RFTN2: variants seen among roughly 807,000 people sequenced by gnomAD.
The protein encoded by RFTN2 is raftlin family member 2.
Under a neutral mutation model 52.7 loss-of-function variants are expected in RFTN2, and 34 were observed. The observed-to-expected ratio is 0.64, with a 90% CI of 0.49 to 0.86. The LOEUF (loss-of-function observed/expected upper bound fraction) is 0.86, where lower values mean the gene tolerates loss of function less well. Ranked by LOEUF, RFTN2 falls within the 40% of genes least tolerant of loss-of-function variation. RFTN2 has a pLI of 0.00. For missense variants in RFTN2, 536 were observed against 600.1 expected, an observed-to-expected ratio of 0.89 and a Z score of 1.12; for synonymous variants, 203 against 217.7, an observed-to-expected ratio of 0.93 and a Z score of 0.59.
intron 3 of RFTN2, among the ~76,000 whole-genome samples, chr2:197,640,633 C>T (rs1466686753): frequency 3.3e-5 from 5 of 152,342 alleles, no homozygotes; most frequent in East Asian, 3.9e-4. Flanking sequence ...CGCCCACTGT[C>T]TGGCACTCCC....
chr2:197,652,077 C>G (rs536237810), intron 1 of RFTN2, among the ~76,000 whole-genome samples: 1 of 152,244 alleles, frequency 6.6e-6, no homozygotes, highest in East Asian at 1.9e-4. Context: ...TCTTGGAAAT[C>G]CTCTTGGTAT....
At chr2:197,665,306 A>G (rs1384151942) in intron 1 of RFTN2, among the ~76,000 whole-genome samples, 4 of 152,148 alleles carry the variant, frequency 2.6e-5, no homozygotes. Context: ...AAATAAATCC[A>G]ATGTTTCTTT....
At chr2:197,592,005 A>G (rs1242954514) in intron 8 of RFTN2, among the ~76,000 whole-genome samples, 1 of 152,190 alleles carries the variant, frequency 6.6e-6, no homozygotes, top group Admixed American at 6.5e-5. Context: ...AAGGGCTCCC[A>G]TGGTGCAGCG....
intron 3 of RFTN2, among the ~76,000 whole-genome samples, chr2:197,634,989 T>TC (rs1378106825): frequency 1.8e-5 from 2 of 111,050 alleles, no homozygotes; most frequent in African/African-American, 3.5e-5. Flanking sequence ...ATGCGGTGTT[T>TC]CGTTTTTTGT....
chr2:197,617,016 C>T (rs1342180672), intron 6 of RFTN2, among the ~76,000 whole-genome samples: 1 of 152,212 alleles, frequency 6.6e-6, no homozygotes, highest in Non-Finnish European at 1.5e-5. Flanking sequence ...GGGTGCACAA[C>T]ATCAGCAGCA....
chr2:197,577,856 T>A (rs949958001), intron 8 of RFTN2, among the ~76,000 whole-genome samples: 1 of 152,142 alleles, frequency 6.6e-6, no homozygotes, highest in African/African-American at 2.4e-5. Context: ...GTAGCTGGGA[T>A]TACAGGAGCA....
chr2:197,643,569 T>C (rs2088704308), intron 3 of RFTN2, among the ~76,000 whole-genome samples: 1 of 152,186 alleles, frequency 6.6e-6, no homozygotes, highest in Non-Finnish European at 1.5e-5. Context: ...CCATTGTCTC[T>C]CTCTGTCCAT....
chr2:197,602,262 G>A (rs1039417378), intron 7 of RFTN2, among the ~76,000 whole-genome samples: 3 of 151,864 alleles, frequency 2.0e-5, no homozygotes, highest in African/African-American at 4.8e-5. Flanking sequence ...GTAGAGACAG[G>A]GTTTCACTGT....
chr2:197,582,743 C>T (rs1025541051), intron 8 of RFTN2, among the ~76,000 whole-genome samples: 1 of 152,204 alleles, frequency 6.6e-6, no homozygotes, highest in Non-Finnish European at 1.5e-5. Context: ...ATCATTAATG[C>T]CTCTTTAATA....
chr2:197,654,496 AT>A (rs2088866749), intron 1 of RFTN2, among the ~76,000 whole-genome samples: 1 of 152,208 alleles, frequency 6.6e-6, no homozygotes, highest in Non-Finnish European at 1.5e-5. Context: ...CTTAAATAAG[AT>A]GGAAAAGGGC....
intron 7 of RFTN2, among the ~76,000 whole-genome samples, chr2:197,605,117 T>C (rs749611380): frequency 4.5e-4 from 68 of 152,292 alleles, no homozygotes; most frequent in Non-Finnish European, 6.6e-4. Flanking sequence ...TAAAATAGTA[T>C]ATTTAAGGGT....
intron 6 of RFTN2, among the ~76,000 whole-genome samples, chr2:197,617,563 C>T (rs953373100): frequency 8.6e-5 from 13 of 151,734 alleles, no homozygotes; most frequent in Admixed American, 1.3e-4. Flanking sequence ...GCCTGTAGTC[C>T]CAGCTACCTG....
chr2:197,616,319 T>C (rs1253503624), intron 6 of RFTN2, among the ~76,000 whole-genome samples: 1 of 23,618 alleles, frequency 4.2e-5, no homozygotes, highest in African/African-American at 2.1e-4. Flanking sequence ...AAAGAGAGGG[T>C]CTCATTCCTA....
intron 8 of RFTN2, among the ~76,000 whole-genome samples, chr2:197,583,394 C>A (rs2106170458): frequency 6.6e-6 from 1 of 152,330 alleles, no homozygotes; most frequent in African/African-American, 2.4e-5. Context: ...TTCTTCCCTT[C>A]TGTCAGATGT....
intron 3 of RFTN2, among the ~76,000 whole-genome samples, chr2:197,640,852 G>A (rs555009447): frequency 6.6e-6 from 1 of 152,174 alleles, no homozygotes; most frequent in Non-Finnish European, 1.5e-5. Context: ...AAAACCTAAG[G>A]CCTGTTCCTC....
intron 1 of RFTN2, among the ~76,000 whole-genome samples, chr2:197,656,404 G>A (rs1452902123): frequency 6.6e-6 from 1 of 152,168 alleles, no homozygotes; most frequent in Non-Finnish European, 1.5e-5. Context: ...TACTAAGCAT[G>A]TGATCTAGAA....
chr2:197,609,370 T>C (rs564118549), intron 7 of RFTN2, among the ~76,000 whole-genome samples: 1 of 152,386 alleles, frequency 6.6e-6, no homozygotes, highest in East Asian at 1.9e-4. Context: ...GATTTGCATT[T>C]CTATAATGAC....
At chr2:197,670,296 G>A (rs919364325) in intron 1 of RFTN2, among the ~76,000 whole-genome samples, 4 of 152,032 alleles carry the variant, frequency 2.6e-5, no homozygotes, top group Non-Finnish European at 5.9e-5. Flanking sequence ...TTTGTTTTTT[G>A]GAGTTCCGGG....
At chr2:197,609,350 T>G (rs2088017059) in intron 7 of RFTN2, among the ~76,000 whole-genome samples, 1 of 152,248 alleles carries the variant, frequency 6.6e-6, no homozygotes, top group African/African-American at 2.4e-5. Context: ...TGGTATCTCA[T>G]TATGCTTTTG....
Sources: allele counts gnomAD v4.1 joint callset (sites outside exome capture counted in the v4.1 genomes callset), GRCh38; gene constraint gnomAD v4.1.1; transcripts MANE v1.5; gene names NCBI Gene and HGNC (gene_info 2026-07-23, HGNC 2026-07-21).